The following FAM91A1 variants were observed in gnomAD, a reference collection of about 807,000 sequenced individuals.
FAM91A1 encodes family with sequence similarity 91 member A1.
In FAM91A1, 41 loss-of-function variants were observed where a neutral mutation model predicts 113.5. The observed-to-expected ratio is 0.36, with a 90% CI of 0.28 to 0.47. The LOEUF (loss-of-function observed/expected upper bound fraction) is 0.47. Among genes scored for constraint, FAM91A1 ranks in the 20% least tolerant of loss-of-function variants. FAM91A1 has a pLI of 1.00. For missense variants in FAM91A1, 696 were observed against 1,001.2 expected, an observed-to-expected ratio of 0.70 and a Z score of 4.11; for synonymous variants, 307 against 347.9, an observed-to-expected ratio of 0.88 and a Z score of 1.31.
chr8:123,806,253 G>A, intron 20 of FAM91A1, 24 bp downstream of exon 20: 4 of 1,593,362 alleles, frequency 2.5e-6, no homozygotes, highest in Non-Finnish European at 3.4e-6. Flanking sequence ...TGGATTCTTT[G>A]GATTAAGATA....
intron 20 of FAM91A1, 135 bp from the exon 21 acceptor site, chr8:123,808,137 T>G: frequency 1.5e-6 from 1 of 678,002 alleles, no homozygotes; most frequent in Non-Finnish European, 2.4e-6. Flanking sequence ...AACCACTTAT[T>G]TAAGCCAAGG....
intron 18 of FAM91A1, among the ~76,000 whole-genome samples, chr8:123,804,908 A>G (rs1815768008): frequency 6.6e-6 from 1 of 152,160 alleles, no homozygotes; most frequent in Non-Finnish European, 1.5e-5. Flanking sequence ...GTGGTATGCT[A>G]TGTGATTATG....
intron 23 of FAM91A1, chr8:123,811,532 G>C (rs926279075): frequency 3.3e-5 from 5 of 152,134 alleles, no homozygotes; most frequent in African/African-American, 9.7e-5. Flanking sequence ...TTTGGAGATA[G>C]GTTGATAAAA....
Position 123,808,273 on chromosome 8 carries a change from A to G in FAM91A1, c.2034A>G (p.Gly678=), listed in dbSNP as rs202026973. The part of the protein sequence containing the change: ...RKLSDASDER[G]EPDLASGSDV... ...TTGTGTATGCCCTTTAATTATAAGG[A>G]GAACCTGATTTGGCTTCTGGCTCAG... The change falls in exon 21 of 24, where the codon GGA becomes GGG. Residue 678 remains glycine, a splice_region_variant and synonymous_variant. Coordinates refer to ENST00000334705, the MANE Select transcript of FAM91A1 (RefSeq NM_144963.4). 1 of 1,611,604 alleles carries G rather than the reference A, an allele frequency of 6.2e-7. No individual in the cohort carries two copies. The highest frequency in any genetic ancestry group is 1.3e-5 in the African/African-American group (1 of 74,962).
chr8:123,771,477 A>G (rs1028706942), intron 1 of FAM91A1, among the ~76,000 whole-genome samples: 1 of 152,080 alleles, frequency 6.6e-6, no homozygotes, highest in Non-Finnish European at 1.5e-5. Flanking sequence ...GGTGATTTAG[A>G]TTTTTAAAAA....
chr8:123,794,523 G>A (rs2130116485), intron 15 of FAM91A1, among the ~76,000 whole-genome samples: 1 of 152,344 alleles, frequency 6.6e-6, no homozygotes, highest in African/African-American at 2.4e-5. Context: ...TGGTACTACT[G>A]TAATAATTTT....
At chr8:123,807,024 C>T (rs1815829179) in intron 20 of FAM91A1, among the ~76,000 whole-genome samples, 1 of 151,802 alleles carries the variant, frequency 6.6e-6, no homozygotes, top group East Asian at 1.9e-4. Flanking sequence ...AGTTCTTATC[C>T]ATTGACTCTG....
chr8:123,790,332 G>T (rs879557828), intron 15 of FAM91A1, among the ~76,000 whole-genome samples: 3 of 152,142 alleles, frequency 2.0e-5, no homozygotes, highest in Non-Finnish European at 4.4e-5. Flanking sequence ...TGAATTGATG[G>T]TGTCAGAATT....
intron 14 of FAM91A1, chr8:123,788,310 T>C: frequency 1.1e-6 from 1 of 892,062 alleles, no homozygotes. Context: ...TTGGTGTTTT[T>C]CATTCTTCGG....
At chr8:123,804,464 C>G (rs12677838) in intron 18 of FAM91A1, among the ~76,000 whole-genome samples, 2 of 117,722 alleles carry the variant, frequency 1.7e-5, no homozygotes, top group Admixed American at 2.2e-4. Flanking sequence ...GCACTCCAGT[C>G]TGAGTAACAG....
At chr8:123,785,023 T>A in intron 9 of FAM91A1, 58 bp from the exon 10 acceptor site, 1 of 1,296,866 alleles carries the variant, frequency 7.7e-7, no homozygotes, top group East Asian at 2.4e-5. Context: ...CTATTACAAC[T>A]GTGTAATGTG....
intron 18 of FAM91A1, among the ~76,000 whole-genome samples, 200 bp downstream of exon 18, chr8:123,800,085 C>G (rs990204052): frequency 2.0e-5 from 3 of 151,908 alleles, no homozygotes; most frequent in African/African-American, 7.3e-5. Context: ...GAAGTTAGAC[C>G]CAGGTTTGCA....
intron 20 of FAM91A1, 64 bp from the exon 21 acceptor site, chr8:123,808,208 G>T: frequency 7.7e-7 from 1 of 1,303,400 alleles, no homozygotes; most frequent in South Asian, 1.3e-5. Context: ...TGTTAGGACT[G>T]ATTTATTGGC....
intron 1 of FAM91A1, among the ~76,000 whole-genome samples, chr8:123,770,841 A>C (rs1469201611): frequency 6.6e-6 from 1 of 152,196 alleles, no homozygotes; most frequent in Non-Finnish European, 1.5e-5. Flanking sequence ...TTAGCTTAGG[A>C]TAAGGTTGGC....
Position 123,810,298 on chromosome 8 carries a change from C to A in FAM91A1, c.2278C>A (p.His760Asn). The change falls in exon 23 of 24, where the codon CAT (histidine) becomes AAT (asparagine). Residue 760 changes from histidine (H) to asparagine (N), a missense_variant. Physicochemically the swap from His to Asn is moderately conservative, Grantham distance 68 (BLOSUM62 1). Transcript: ENST00000334705. ...TTTTTTCAGCCTTCAAAACCTCTTACATTCCAGTAGAAAACTCTCTCTGCA... is the reference window on the plus strand; with the variant it reads ...TTTTTTCAGCCTTCAAAACCTCTTAAATTCCAGTAGAAAACTCTCTCTGCA... ...CRKESLQNLL[H>N]SSRKLSLQVL... 1 of 1,608,818 alleles carries A rather than the reference C, an allele frequency of 6.2e-7. No homozygotes were observed. The highest frequency in any genetic ancestry group is 8.5e-7 in the Non-Finnish European group (1 of 1,178,524).
At chr8:123,811,878 T>C (rs1307125327) in intron 23 of FAM91A1, among the ~76,000 whole-genome samples, 8 of 152,248 alleles carry the variant, frequency 5.3e-5, no homozygotes, top group Non-Finnish European at 1.5e-5. Context: ...TTGTTTGTTT[T>C]GTTTTTTCCC....
At position 123,784,538 on chromosome 8, in the gene FAM91A1, A is replaced by G. The variant is rs1815203619; in HGVS notation, c.772A>G (p.Ile258Val). 4.4e-6 allele frequency: 7 copies of G among 1,607,884 alleles called. No individual in the cohort carries two copies. Among genetic ancestry groups the G allele is most frequent in the Non-Finnish European group, 5.9e-6 (7 of 1,177,944 alleles). The part of the protein sequence containing the change: ...GDYFETLLYK[I>V]FVSIDEHTNV... ...TTATTTTGAAACTCTACTCTATAAG[A>G]TATTTGTTTCAATAGATGAGCACAC... Residue 258 changes from isoleucine (I) to valine (V), a missense_variant, in exon 9 of 24, where the codon ATA (isoleucine) becomes GTA (valine). By Grantham distance (29) the Ile-to-Val change is conservative. Transcript: ENST00000334705.
At chr8:123,795,410 C>G (rs1815490353) in intron 15 of FAM91A1, among the ~76,000 whole-genome samples, 1 of 144,662 alleles carries the variant, frequency 6.9e-6, no homozygotes, top group African/African-American at 2.6e-5. Flanking sequence ...CAGCTGTCAT[C>G]ATGATCGTGA....
At chr8:123,790,424 T>G (rs1191994314) in intron 15 of FAM91A1, among the ~76,000 whole-genome samples, 1 of 152,158 alleles carries the variant, frequency 6.6e-6, no homozygotes, top group Non-Finnish European at 1.5e-5. Context: ...AAAAGATGAT[T>G]CCAGTGCTCA....
Sources: allele counts gnomAD v4.1 joint callset (sites outside exome capture counted in the v4.1 genomes callset), GRCh38; gene constraint gnomAD v4.1.1; transcripts MANE v1.5; gene names NCBI Gene and HGNC (gene_info 2026-07-23, HGNC 2026-07-21).